The following SUMF1 variants were observed in gnomAD, a reference collection of about 807,000 sequenced individuals.
SUMF1 encodes the protein formylglycine-generating enzyme.
A neutral mutation model predicts 47.6 loss-of-function variants in SUMF1; 48 were observed. The observed-to-expected ratio is 1.01, with a 90% CI of 0.80 to 1.28. SUMF1 has a LOEUF of 1.28. Among genes scored for constraint, SUMF1 ranks in the 50% most tolerant of loss-of-function variants. The probability of loss-of-function intolerance (pLI) is 0.00; values close to 1 mark genes in which losing one functional copy is unlikely to be tolerated. For missense variants in SUMF1, 571 were observed against 485.4 expected, an observed-to-expected ratio of 1.18 and a Z score of -1.66; for synonymous variants, 230 against 192.1, an observed-to-expected ratio of 1.20 and a Z score of -1.63.
chr3:4,344,487 C>T (rs1699334650), intron 8 of SUMF1, among the ~76,000 whole-genome samples: 1 of 152,152 alleles, frequency 6.6e-6, no homozygotes, highest in South Asian at 2.1e-4. Context: ...GTGACAACAA[C>T]AGCATCAACA....
chr3:4,198,225 T>G lies in SUMF1; in HGVS notation c.1015-129480A>C, dbSNP rs146721438. ...AAAACCAGTGAGTGGGATTCTTTCA[T>G]GTCTCTTGTTATACCTCCTATGGAG... On this transcript the variant is annotated intron_variant and NMD_transcript_variant, in intron 8 of 12. Coordinates refer to the SUMF1 transcript ENST00000448413. 6.2e-3 allele frequency among the ~76,000 whole-genome samples: 944 copies of G among 152,238 alleles called. 36 individuals carry two copies. Among genetic ancestry groups the G allele is most frequent in the Admixed American group, 0.054 (819 of 15,282 alleles).
chr3:4,043,445 T>A (rs1177560780), intron 9 of SUMF1, among the ~76,000 whole-genome samples: 2 of 152,174 alleles, frequency 1.3e-5, no homozygotes, highest in African/African-American at 4.8e-5. Flanking sequence ...GTTCACAGGC[T>A]GCCAAAAACT....
chr3:4,466,861 T>G (rs1575265717), intron 1 of SUMF1, 115 bp downstream of exon 1: 1 of 1,448,992 alleles, frequency 6.9e-7, no homozygotes, highest in South Asian at 1.3e-5. Context: ...GGTGCTCGAT[T>G]TGGGGTGTGG....
At chr3:4,101,178 A>G (rs897812208) in intron 8 of SUMF1, among the ~76,000 whole-genome samples, 4 of 152,154 alleles carry the variant, frequency 2.6e-5, no homozygotes, top group Non-Finnish European at 5.9e-5. Context: ...TATGTTAAAA[A>G]AAAGTCTACA....
chr3:4,122,976 A>G (rs535552542), intron 8 of SUMF1, among the ~76,000 whole-genome samples: 2 of 152,290 alleles, frequency 1.3e-5, no homozygotes, highest in East Asian at 1.9e-4. Flanking sequence ...CACTCTACAC[A>G]TAGGTATTCA....
At chr3:4,253,841 C>G (rs965408932) in intron 8 of SUMF1, among the ~76,000 whole-genome samples, 1 of 149,094 alleles carries the variant, frequency 6.7e-6, no homozygotes, top group Non-Finnish European at 1.5e-5. Flanking sequence ...CAGCAGTAAC[C>G]TCTGCAGACT....
chr3:4,111,702 G>C (rs2125070262), intron 8 of SUMF1, among the ~76,000 whole-genome samples: 1 of 152,132 alleles, frequency 6.6e-6, no homozygotes, highest in South Asian at 2.1e-4. Context: ...TTGTGCCATT[G>C]CACTGCAGCC....
intron 8 of SUMF1, among the ~76,000 whole-genome samples, chr3:4,286,406 A>T (rs1418940687): frequency 6.6e-6 from 1 of 152,134 alleles, no homozygotes; most frequent in Non-Finnish European, 1.5e-5. Flanking sequence ...AAAGCAGTAA[A>T]AGTCTAGAAA....
chr3:4,243,089 C>T (rs1419440108), intron 8 of SUMF1, among the ~76,000 whole-genome samples: 2 of 152,120 alleles, frequency 1.3e-5, no homozygotes, highest in Non-Finnish European at 2.9e-5. Flanking sequence ...GTTTGTATTT[C>T]TGTGGGATTG....
At position 4,361,992 on chromosome 3, in the gene SUMF1, G is replaced by C. The variant is rs560350613; in HGVS notation, c.*152C>G. ...TGCACTGACCCAGGTCAGCAATTTG[G>C]TCTCACAAGGCGGTTCCTTTGGCCA... is the stretch of plus-strand genomic sequence containing the variant. On this transcript the variant is annotated 3_prime_UTR_variant, in exon 9 of 9. Transcript: ENST00000272902. The C allele has an allele frequency of 4.6e-4, 314 of 677,710 alleles. 1 individual carries two copies. The highest frequency in any genetic ancestry group is 2.8e-3 in the Admixed American group (123 of 43,840). 42.0% of individuals were successfully genotyped at this position (677,710 alleles called of 1,614,324 possible). A position where few individuals can be genotyped will look rare whatever the true frequency, so the allele number is the denominator to read the frequency against.
chr3:4,401,890 T>G (rs1701223646), intron 7 of SUMF1, among the ~76,000 whole-genome samples: 1 of 152,066 alleles, frequency 6.6e-6, no homozygotes, highest in Non-Finnish European at 1.5e-5. Context: ...AGGTAACCAA[T>G]AAAAGCCCCT....
intron 8 of SUMF1, among the ~76,000 whole-genome samples, chr3:4,087,569 G>A (rs1692697988): frequency 6.6e-6 from 1 of 152,062 alleles, no homozygotes; most frequent in South Asian, 2.1e-4. Flanking sequence ...AAGTAAAATA[G>A]TAAGAAGAAT....
chr3:4,343,319 A>G (rs1559234306), intron 8 of SUMF1, among the ~76,000 whole-genome samples: 1 of 152,268 alleles, frequency 6.6e-6, no homozygotes, highest in Admixed American at 6.5e-5. Context: ...GGAGCTCCAG[A>G]TCACCAAACC....
chr3:4,220,005 G>A (rs965461581), intron 8 of SUMF1, among the ~76,000 whole-genome samples: 5 of 152,166 alleles, frequency 3.3e-5, no homozygotes, highest in African/African-American at 1.2e-4. Context: ...AGAACTGTCT[G>A]AGATTACTGC....
intron 8 of SUMF1, among the ~76,000 whole-genome samples, chr3:4,185,820 A>T (rs1431853864): frequency 6.6e-6 from 1 of 152,204 alleles, no homozygotes; most frequent in Non-Finnish European, 1.5e-5. Context: ...ATGATAGATA[A>T]TACTGGCTTG....
At chr3:4,367,175 G>T (rs543307487) in intron 8 of SUMF1, among the ~76,000 whole-genome samples, 1 of 152,184 alleles carries the variant, frequency 6.6e-6, no homozygotes, top group Non-Finnish European at 1.5e-5. Context: ...AGGGGTCAGG[G>T]ACCCACTTGA....
chr3:4,182,054 G>C (rs2125134468), intron 8 of SUMF1, among the ~76,000 whole-genome samples: 1 of 152,254 alleles, frequency 6.6e-6, no homozygotes, highest in Non-Finnish European at 1.5e-5. Flanking sequence ...TACTGTGATA[G>C]AGATTCTATT....
At chr3:4,408,213 G>A (rs898173884) in intron 7 of SUMF1, among the ~76,000 whole-genome samples, 1 of 152,140 alleles carries the variant, frequency 6.6e-6, no homozygotes, top group African/African-American at 2.4e-5. Context: ...TCAGACAAAC[G>A]TTTAAAAATG....
intron 8 of SUMF1, among the ~76,000 whole-genome samples, chr3:4,096,891 C>A (rs914863715): frequency 5.3e-5 from 8 of 152,018 alleles, no homozygotes; most frequent in African/African-American, 1.9e-4. Context: ...TCAGTGTTCC[C>A]AAATCTTCCC....
Sources: gnomAD v4.1 joint callset for allele counts (sites outside exome capture counted in the v4.1 genomes callset) on GRCh38, gnomAD v4.1.1 for gene constraint, MANE v1.5 for transcripts, NCBI Gene and HGNC (gene_info 2026-07-23, HGNC 2026-07-21) for gene names.